The following CUL9 variants were observed in gnomAD, a reference collection of about 807,000 sequenced individuals.
CUL9 encodes cullin 9.
CUL9 carries 79 observed loss-of-function variants against 272.6 expected under a neutral mutation model. The ratio of observed to expected loss-of-function variants is 0.29; its 90% CI spans 0.24 to 0.35. The LOEUF is 0.35. Ranked by LOEUF, CUL9 falls within the 10% of genes least tolerant of loss-of-function variation. The pLI, the probability that CUL9 is intolerant of heterozygous loss-of-function variation, is 1.00. For missense variants in CUL9, 2,532 were observed against 3,255.6 expected, an observed-to-expected ratio of 0.78 and a Z score of 5.41; for synonymous variants, 1,186 against 1,286.5, an observed-to-expected ratio of 0.92 and a Z score of 1.67.
rs1773143351 is a variant in CUL9 at position 43,188,638 on chromosome 6, G to A, written c.2103G>A (p.Gly701=). ...TGGACACAAACCTGCAGCTTTCAGG[G>A]CTCTCTGCCCTCTCTCAGGCTGTGG... The part of the protein sequence containing the change: ...SSLDTNLQLS[G]LSALSQAVEE... Residue 701 remains glycine, a synonymous_variant, in exon 8 of 41, where the codon GGG becomes GGA. Coordinates refer to ENST00000252050, the MANE Select transcript of CUL9 (RefSeq NM_015089.4). 2 of 1,614,078 alleles carry A rather than the reference G, an allele frequency of 1.2e-6. No individual in the cohort carries two copies. Among genetic ancestry groups the A allele is most frequent in the South Asian group, 2.2e-5 (2 of 91,088 alleles).
At chr6:43,189,359 T>C (rs1397097713) in intron 8 of CUL9, among the ~76,000 whole-genome samples, 3 of 151,990 alleles carry the variant, frequency 2.0e-5, no homozygotes, top group Non-Finnish European at 4.4e-5. Context: ...CTAATTTTTG[T>C]ACTTTTAGTA....
chr6:43,190,193 G>A (rs959778338), intron 8 of CUL9, among the ~76,000 whole-genome samples: 2 of 151,780 alleles, frequency 1.3e-5, no homozygotes, highest in Middle Eastern at 3.4e-3. Flanking sequence ...GAATATTGTC[G>A]TCTTTTTTAA....
Position 43,203,623 on chromosome 6 carries a change from A to C in CUL9, c.4025+31A>C, listed in dbSNP as rs1427217005. On this transcript the variant is annotated intron_variant, in intron 19 of 40. Coordinates refer to ENST00000252050, the MANE Select transcript of CUL9 (RefSeq NM_015089.4). The surrounding 1 kb of genome is among the most constrained non-coding windows in gnomAD (Gnocchi z 5.0). Reference sequence around the variant, plus strand: ...TGGGGCCTGAGGAGGGAAGATGGGTAAGGGAACAGGACACTGTGAGAAGTA... The same window carrying C: ...TGGGGCCTGAGGAGGGAAGATGGGTCAGGGAACAGGACACTGTGAGAAGTA... 3.1e-6 allele frequency: 5 copies of C among 1,606,106 alleles called. No homozygotes were observed. The highest frequency in any genetic ancestry group is 4.2e-6 in the Non-Finnish European group (5 of 1,176,746).
chr6:43,187,715 C>G lies in CUL9; in HGVS notation c.1584C>G (p.Thr528=). The G allele has an allele frequency of 1.2e-6, 2 of 1,611,826 alleles. No homozygotes were observed. The highest frequency in any genetic ancestry group is 1.7e-6 in the Non-Finnish European group (2 of 1,179,684). The change falls in exon 7 of 41, where the codon ACC becomes ACG. Residue 528 remains threonine, a splice_region_variant and synonymous_variant. Transcript: ENST00000252050. ...FQNLWKNLDE[T]LGEKALGEIS... ...ACGTATACCCCTTCTGTTGACAGAC[C>G]CTGGGTGAAAAGGCCCTAGGTGAGA...
chr6:43,191,481 A>ATTTTTTTTTTTTTTTTTTTTT lies in CUL9; in HGVS notation c.2181-1516_2181-1496dup, dbSNP rs34090146. The stretch of plus-strand genomic sequence containing the variant: ...AGGAATGAGCCACCACACCCAGCTA[A>ATTTTTTTTTTTTTTTTTTTTT]TTTTTTTTTTTTTTTTTTTTTTTTA... On this transcript the variant is annotated intron_variant, in intron 8 of 40. Transcript: ENST00000252050. Among the ~76,000 whole-genome samples the ATTTTTTTTTTTTTTTTTTTTT allele has an allele frequency of 3.7e-4, 36 of 97,448 alleles. 1 individual carries two copies. Among genetic ancestry groups the ATTTTTTTTTTTTTTTTTTTTT allele is most frequent in the African/African-American group, 1.3e-3 (25 of 19,744 alleles). 63.9% of individuals were successfully genotyped at this position (97,448 alleles called of 152,430 possible).
Position 43,220,744 on chromosome 6 carries a change from C to T in CUL9, c.6424-3C>T, listed in dbSNP as rs2150648918. 1 of 1,611,990 alleles carries T rather than the reference C, an allele frequency of 6.2e-7. No individual in the cohort carries two copies. Among genetic ancestry groups the T allele is most frequent in the Non-Finnish European group, 8.5e-7 (1 of 1,179,530 alleles). ...TCACCTCGTGGCACCTGCGTCTCCA[C>T]AGTATGAGAAGGCGCTCCTGCGTGG... On this transcript the variant is annotated splice_polypyrimidine_tract_variant and splice_region_variant and intron_variant, in intron 32 of 40. Transcript: ENST00000252050. This position sits in a 1 kb window ranked among gnomAD's most constrained non-coding sequence, Gnocchi z 4.9.
In CUL9 at chr6:43,206,066, T is replaced by C. The variant is rs757675120; in HGVS notation, c.4853T>C (p.Leu1618Pro). The C allele has an allele frequency of 2.0e-5, 33 of 1,614,068 alleles. No homozygotes were observed. Among genetic ancestry groups the C allele is most frequent in the Non-Finnish European group, 2.8e-5 (33 of 1,180,028 alleles). ...FGSSWLEGAV[L>P]EQIGLCFPNR... is the part of the protein sequence containing the mutation. ...TCGAGCTGGCTGGAGGGGGCTGTGC[T>C]AGAGCAGATTGGCCTCTGTTTTCCC... Residue 1618 changes from leucine (L) to proline (P), a missense_variant, in exon 25 of 41, where the codon CTA (leucine) becomes CCA (proline). Coordinates refer to ENST00000252050, the MANE Select transcript of CUL9 (RefSeq NM_015089.4). The surrounding 1 kb of genome is among the most constrained non-coding windows in gnomAD (Gnocchi z 4.8).
At position 43,184,416 on chromosome 6, in the gene CUL9, C is replaced by A. The variant is rs1296766755; in HGVS notation, c.106C>A (p.Pro36Thr). ...IRQRPGHDGH[P>T]EYLIRWSVLK... ...ACAGAGGCCTGGGCATGACGGGCAT[C>A]CTGAATACCTGATCCGATGGAGTGT... is the stretch of plus-strand genomic sequence containing the variant. Residue 36 changes from proline to threonine, a missense_variant, in exon 2 of 41, where the codon CCT becomes ACT. Physicochemically the swap from Pro to Thr is conservative, Grantham distance 38. This residue lies in a region of CUL9 where 2,218 missense variants were observed against 2,788.6 expected (regional missense o/e 0.80). Transcript: ENST00000252050. This position sits in a 1 kb window ranked among gnomAD's most constrained non-coding sequence, Gnocchi z 4.8. The A allele has an allele frequency of 1.1e-5, 18 of 1,613,708 alleles. No homozygotes were observed. Among genetic ancestry groups the A allele is most frequent in the Middle Eastern group, 1.6e-4 (1 of 6,062 alleles).
rs147421961 is a variant in CUL9 at position 43,189,919 on chromosome 6, A to G, written c.2180+1204A>G. ...CTCACCACTGTTATCAGTCTACTAT[A>G]TCCTACAGATTTGCATTTGTAATTG... is the stretch of plus-strand genomic sequence containing the variant. On this transcript the variant is annotated intron_variant, in intron 8 of 40. Transcript: ENST00000252050. Among the ~76,000 whole-genome samples the G allele has an allele frequency of 1.6e-3, 237 of 152,288 alleles. 1 individual carries two copies. The highest frequency in any genetic ancestry group is 5.5e-3 in the African/African-American group (227 of 41,564).
chr6:43,198,678 G>T lies in CUL9; in HGVS notation c.2873G>T (p.Gly958Val). 1.2e-6 allele frequency: 2 copies of T among 1,613,054 alleles called. No individual in the cohort carries two copies. The highest frequency in any genetic ancestry group is 1.7e-6 in the Non-Finnish European group (2 of 1,179,088). Residue 958 changes from glycine to valine, a missense_variant, in exon 12 of 41, where the codon GGC becomes GTC. This residue lies in a region of CUL9 where 2,218 missense variants were observed against 2,788.6 expected (regional missense o/e 0.80). Transcript: ENST00000252050. Reference sequence around the variant, plus strand: ...CTACTGATTCGATCCCTGGTTGGGGGCCCATCTGCAGAACTACTCCTGGAC... The same window carrying T: ...CTACTGATTCGATCCCTGGTTGGGGTCCCATCTGCAGAACTACTCCTGGAC... Reference protein sequence around the residue: ...PELLIRSLVGGPSAELLLDLE... With the variant: ...PELLIRSLVGVPSAELLLDLE...
At chr6:43,189,344 C>A (rs1390662935) in intron 8 of CUL9, among the ~76,000 whole-genome samples, 2 of 151,880 alleles carry the variant, frequency 1.3e-5, no homozygotes, top group African/African-American at 4.8e-5. Context: ...CACCACCACA[C>A]CCAGCTAATT....
At chr6:43,190,204 T>C (rs971977019) in intron 8 of CUL9, among the ~76,000 whole-genome samples, 1 of 152,168 alleles carries the variant, frequency 6.6e-6, no homozygotes, top group African/African-American at 2.4e-5. Context: ...TCTTTTTTAA[T>C]CTATCTAATT....
rs146106470 is a variant in CUL9 at position 43,215,089 on chromosome 6, C to T, written c.5699C>T (p.Ala1900Val). The T allele has an allele frequency of 6.6e-5, 106 of 1,603,224 alleles. No individual in the cohort carries two copies. The highest frequency in any genetic ancestry group is 8.6e-5 in the Non-Finnish European group (101 of 1,173,036). ...TTTCCTCCTATCCAGGTGCTGGAGG[C>T]CTGGCAGAAGGGTCCAAATCCTCCT... ...IDQLVCLVLE[A>V]WQKGPNPPGT... Residue 1900 changes from alanine to valine, a missense_variant, in exon 30 of 41, where the codon GCC becomes GTC. By Grantham distance (64) the Ala-to-Val change is moderately conservative (BLOSUM62 0). Transcript: ENST00000252050.
At chr6:43,196,499 C>A in intron 10 of CUL9, 146 bp from the exon 11 acceptor site, 2 of 861,148 alleles carry the variant, frequency 2.3e-6, no homozygotes, top group Non-Finnish European at 1.9e-6. Context: ...GGAGGAGTGG[C>A]CCAAGGTCAG....
chr6:43,198,554 A>C, intron 11 of CUL9, 55 bp from the exon 12 acceptor site: 1 of 1,589,532 alleles, frequency 6.3e-7, no homozygotes, highest in Non-Finnish European at 8.6e-7. Context: ...TCTCAGTTTG[A>C]CAAACTGGTA....
chr6:43,223,010 C>G lies in CUL9; in HGVS notation c.7150+114C>G. On this transcript the variant is annotated intron_variant, in intron 38 of 40. Transcript: ENST00000252050. The surrounding 1 kb of genome is among the most constrained non-coding windows in gnomAD (Gnocchi z 4.1). ...CTTACCTTCCCTCTCTCCTCTTCCT[C>G]TTCATTCTTCATGGCCTTCTCACTG... The G allele has an allele frequency of 2.1e-6, 2 of 949,448 alleles. No individual in the cohort carries two copies. The highest frequency in any genetic ancestry group is 3.3e-6 in the Non-Finnish European group (2 of 615,026). The allele number at this position is 949,448 out of a possible 1,614,324, so 58.8% of individuals were successfully genotyped here.
At position 43,196,065 on chromosome 6, in the gene CUL9, A is replaced by G; in HGVS notation, c.2389-4A>G. 2 of 1,609,200 alleles carry G rather than the reference A, an allele frequency of 1.2e-6. No individual in the cohort carries two copies. The highest frequency in any genetic ancestry group is 1.7e-6 in the Non-Finnish European group (2 of 1,176,676). On this transcript the variant is annotated splice_polypyrimidine_tract_variant and splice_region_variant and intron_variant, in intron 9 of 40. Coordinates refer to ENST00000252050, the MANE Select transcript of CUL9 (RefSeq NM_015089.4). ...CTCACTCTGCTTTCACATCCCCCTC[A>G]CAGGCACTGAAGATGCTGGCCGTCG...
chr6:43,189,876 G>A (rs1773281611), intron 8 of CUL9, among the ~76,000 whole-genome samples: 1 of 152,216 alleles, frequency 6.6e-6, no homozygotes, highest in African/African-American at 2.4e-5. Context: ...AAAGGACATA[G>A]GAGGGCCAAA....
Position 43,220,377 on chromosome 6 carries a change from G to A in CUL9, c.6283-82G>A. On this transcript the variant is annotated intron_variant, in intron 31 of 40. Coordinates refer to ENST00000252050, the MANE Select transcript of CUL9 (RefSeq NM_015089.4). This position sits in a 1 kb window ranked among gnomAD's most constrained non-coding sequence, Gnocchi z 4.9. Reference sequence around the variant, plus strand: ...TGTAGTGGAGGGGAAGGGAAGGAGGGACGCTAGCTTAGTTACCAGGACACT... The same window carrying A: ...TGTAGTGGAGGGGAAGGGAAGGAGGAACGCTAGCTTAGTTACCAGGACACT... 2.0e-6 allele frequency: 3 copies of A among 1,502,470 alleles called. No individual in the cohort carries two copies. Among genetic ancestry groups the A allele is most frequent in the East Asian group, 4.5e-5 (2 of 44,078 alleles). 93.1% of individuals were successfully genotyped at this position (1,502,470 alleles called of 1,614,324 possible).
Sources: gnomAD v4.1 joint callset for allele counts (sites outside exome capture counted in the v4.1 genomes callset) on GRCh38, gnomAD v4.1.1 for gene constraint, gnomAD v4.1.1 regional missense constraint, Gnocchi (gnomAD v3.1) non-coding constraint, MANE v1.5 for transcripts, NCBI Gene and HGNC (gene_info 2026-07-23, HGNC 2026-07-21) for gene names.